The following CNTN3 variants were observed in gnomAD, a reference collection of about 807,000 sequenced individuals.
The protein encoded by CNTN3 is contactin 3.
A neutral mutation model predicts 119.1 loss-of-function variants in CNTN3; 60 were observed. That is an observed-to-expected ratio of 0.50 (90% CI 0.41 to 0.62). CNTN3 has a LOEUF of 0.62. Among genes scored for constraint, CNTN3 ranks in the 20% least tolerant of loss-of-function variants. The probability of loss-of-function intolerance (pLI) is 0.00; values close to 1 mark genes in which losing one functional copy is unlikely to be tolerated. For synonymous variants in CNTN3, 450 were observed against 438.7 expected, an observed-to-expected ratio of 1.03 and a Z score of -0.32; for missense variants, 1,101 against 1,242.4, an observed-to-expected ratio of 0.89 and a Z score of 1.71.
Position 74,336,649 on chromosome 3 carries a change from CAAAG to C in CNTN3, c.1370_1373del (p.Ser457CysfsTer2). ...CTATTTTGAGTCCTCCATCGTTTAACAAAGAAATTCTAAAGCAAAGACAAATAAG... is the reference window on the plus strand; with the variant it reads ...CTATTTTGAGTCCTCCATCGTTTAACAAATTCTAAAGCAAAGACAAATAAG... On this transcript the variant is annotated frameshift_variant, in exon 12 of 23. Transcript: ENST00000263665. LOFTEE classifies it high-confidence loss of function. 1 of 1,604,362 alleles carries C rather than the reference CAAAG, an allele frequency of 6.2e-7. No homozygotes were observed. The highest frequency in any genetic ancestry group is 8.5e-7 in the Non-Finnish European group (1 of 1,174,204).
At chr3:74,342,165 T>C (rs931331237) in intron 11 of CNTN3, among the ~76,000 whole-genome samples, 1 of 152,144 alleles carries the variant, frequency 6.6e-6, no homozygotes, top group African/African-American at 2.4e-5. Context: ...TGAAAATGTA[T>C]GAGAAAATAA....
chr3:74,570,594 A>T (rs946538021), intron 1 of CNTN3, among the ~76,000 whole-genome samples: 1 of 152,116 alleles, frequency 6.6e-6, no homozygotes, highest in Non-Finnish European at 1.5e-5. Flanking sequence ...TGCCCTAGAG[A>T]ATACAGACTG....
intron 1 of CNTN3, among the ~76,000 whole-genome samples, chr3:74,558,230 C>T (rs992296778): frequency 1.7e-4 from 26 of 152,198 alleles, no homozygotes; most frequent in African/African-American, 6.0e-4. Context: ...GCCTTTGATA[C>T]TACTGCATCA....
chr3:74,281,129 T>C (rs557644965), intron 20 of CNTN3, among the ~76,000 whole-genome samples: 3 of 152,124 alleles, frequency 2.0e-5, no homozygotes, highest in Non-Finnish European at 4.4e-5. Flanking sequence ...ATTGGGCATT[T>C]TAAGGATTTA....
chr3:74,368,803 G>GT (rs886111936), intron 8 of CNTN3, among the ~76,000 whole-genome samples: 401 of 145,006 alleles, frequency 2.8e-3, no homozygotes, highest in Admixed American at 4.5e-3. Flanking sequence ...CCAAAAGGCA[G>GT]TTTTTTTTTT....
chr3:74,607,523 C>T (rs1384006678), intron 1 of CNTN3, among the ~76,000 whole-genome samples: 2 of 152,160 alleles, frequency 1.3e-5, no homozygotes, highest in Admixed American at 1.3e-4. Context: ...CAAGCCTGAC[C>T]ACACTGATAA....
At chr3:74,602,586 T>C (rs1173007418) in intron 1 of CNTN3, among the ~76,000 whole-genome samples, 1 of 152,064 alleles carries the variant, frequency 6.6e-6, no homozygotes, top group African/African-American at 2.4e-5. Context: ...ATCTCAGACT[T>C]CCAGTCAGAT....
intron 13 of CNTN3, among the ~76,000 whole-genome samples, chr3:74,312,455 C>CA (rs745514119): frequency 0.021 from 571 of 27,674 alleles, 84 homozygotes; most frequent in Non-Finnish European, 0.029. Context: ...GACTCCATCT[C>CA]AAAAAAAAAA....
At chr3:74,443,643 C>T (rs577143726) in intron 4 of CNTN3, among the ~76,000 whole-genome samples, 1 of 152,190 alleles carries the variant, frequency 6.6e-6, no homozygotes, top group Non-Finnish European at 1.5e-5. Context: ...ACAGGACACA[C>T]TCTTTTCTGT....
chr3:74,579,762 G>A (rs553227162), intron 1 of CNTN3, among the ~76,000 whole-genome samples: 220 of 152,124 alleles, frequency 1.4e-3, no homozygotes, highest in South Asian at 4.6e-3. Context: ...CAGTGGAAGC[G>A]TTGTTAAAAA....
chr3:74,517,496 C>T (rs1194324845), intron 2 of CNTN3, among the ~76,000 whole-genome samples: 2 of 151,912 alleles, frequency 1.3e-5, no homozygotes, highest in Admixed American at 1.3e-4. Context: ...CAACTGTATA[C>T]ATGTGTACAT....
In CNTN3 at chr3:74,480,487, T is replaced by C. The variant is rs552163106; in HGVS notation, c.358+5969A>G. ...TGGCATAGTTAACAGTCAACAGTAA[T>C]ACTTAAAACTGGAAAAAAAAATCAG... On this transcript the variant is annotated intron_variant, in intron 4 of 22. Transcript: ENST00000263665. Among the ~76,000 whole-genome samples, 15 of 151,920 alleles carry C rather than the reference T, an allele frequency of 9.9e-5. No homozygotes were observed. The South Asian group carries it at 2.5e-3, about 25-fold the overall frequency.
intron 19 of CNTN3, among the ~76,000 whole-genome samples, chr3:74,288,164 T>C (rs868685226): frequency 2.8e-5 from 4 of 141,746 alleles, no homozygotes; most frequent in African/African-American, 8.6e-5. Flanking sequence ...CTTTTCTTTT[T>C]TTTTTTTTTT....
At chr3:74,434,988 G>T (rs1444601405) in intron 4 of CNTN3, among the ~76,000 whole-genome samples, 1 of 152,034 alleles carries the variant, frequency 6.6e-6, no homozygotes, top group Non-Finnish European at 1.5e-5. Context: ...CTCTAATACA[G>T]TTCCTCTTCC....
Position 74,365,591 on chromosome 3 carries a change from T to A in CNTN3, c.1058A>T (p.Lys353Ile), listed in dbSNP as rs1193243918. 6.2e-7 allele frequency: 1 copy of A among 1,613,340 alleles called. No homozygotes were observed. Among genetic ancestry groups the A allele is most frequent in the African/African-American group, 1.3e-5 (1 of 74,868 alleles). Residue 353 changes from lysine to isoleucine, a missense_variant, in exon 9 of 23, where the codon AAA becomes ATA. Lys to Ile is a moderately radical substitution (Grantham distance 102). Coordinates refer to ENST00000263665, the MANE Select transcript of CNTN3 (RefSeq NM_020872.3). ...GKPKPSYRWL[K>I]NGAALVLEER... ...CTCTAGCACCAGGGCTGCTCCATTT[T>A]TCAGCCATCGGTAGGAAGGCTTGGG... is the stretch of plus-strand genomic sequence containing the variant.
intron 4 of CNTN3, among the ~76,000 whole-genome samples, chr3:74,481,168 A>C (rs901818880): frequency 6.6e-6 from 1 of 151,934 alleles, no homozygotes. Flanking sequence ...GAAACTAAAA[A>C]AGCCATCATC....
At chr3:74,546,927 T>G (rs927768189) in intron 1 of CNTN3, among the ~76,000 whole-genome samples, 2 of 152,040 alleles carry the variant, frequency 1.3e-5, no homozygotes, top group African/African-American at 2.4e-5. Flanking sequence ...TTCCATTTAC[T>G]TTATTTCATT....
At chr3:74,591,666 G>C (rs1215236320) in intron 1 of CNTN3, among the ~76,000 whole-genome samples, 1 of 151,788 alleles carries the variant, frequency 6.6e-6, no homozygotes, top group Non-Finnish European at 1.5e-5. Context: ...GGAGAGGTGA[G>C]GAAAGAATCA....
chr3:74,361,777 C>A, intron 11 of CNTN3, 113 bp downstream of exon 11: 1 of 1,093,332 alleles, frequency 9.1e-7, no homozygotes, highest in Non-Finnish European at 1.3e-6. Flanking sequence ...TCTTAAAGAT[C>A]TCACATGCTA....
Sources: gnomAD v4.1 joint callset for allele counts (sites outside exome capture counted in the v4.1 genomes callset) on GRCh38, gnomAD v4.1.1 for gene constraint, MANE v1.5 for transcripts, NCBI Gene and HGNC (gene_info 2026-07-23, HGNC 2026-07-21) for gene names.